Variants in PGAP2 observed in about 807,000 individuals in gnomAD.
PGAP2 encodes acyltransferase PGAP2.
A neutral mutation model predicts 33.2 loss-of-function variants in PGAP2; 21 were observed. The observed-to-expected ratio is 0.63, with a 90% CI of 0.45 to 0.91. PGAP2 has a LOEUF of 0.91. Among genes scored for constraint, PGAP2 ranks in the 40% least tolerant of loss-of-function variants. The pLI, the probability that PGAP2 is intolerant of heterozygous loss-of-function variation, is 0.00. For missense variants in PGAP2, 345 were observed against 424.0 expected, an observed-to-expected ratio of 0.81 and a Z score of 1.64; for synonymous variants, 161 against 172.9, an observed-to-expected ratio of 0.93 and a Z score of 0.54.
chr11:3,807,553 C>T (rs2134247871), upstream of PGAP2, among the ~76,000 whole-genome samples: 1 of 152,006 alleles, frequency 6.6e-6, no homozygotes, highest in Admixed American at 6.5e-5. Flanking sequence ...GGTGATCCGC[C>T]CGCCTCGGCC....
chr11:3,815,919 C>T (rs2086898758), intron 2 of PGAP2, among the ~76,000 whole-genome samples: 1 of 152,160 alleles, frequency 6.6e-6, no homozygotes, highest in African/African-American at 2.4e-5. Flanking sequence ...AAAAAACGGC[C>T]AGACCCCTTT....
intron 4 of PGAP2, 43 bp downstream of exon 4, chr11:3,824,178 G>A: frequency 1.2e-6 from 2 of 1,613,224 alleles, no homozygotes; most frequent in Non-Finnish European, 1.7e-6. Flanking sequence ...TGTTCCCTGA[G>A]GGGACGGGCC....
upstream of PGAP2, chr11:3,808,024 G>A: frequency 7.3e-7 from 1 of 1,376,244 alleles, no homozygotes. Flanking sequence ...CCTGAACAAA[G>A]GCGGGAACAG....
chr11:3,824,306 C>T lies in PGAP2; in HGVS notation c.638C>T (p.Ser213Leu). ...AATGCTTTCATTGTGTTCATTGCCT[C>T]ATCCCTCGGGCACATGCTCCTCACC... ...HENAFIVFIA[S>L]SLGHMLLTCI... Residue 213 changes from serine to leucine, a missense_variant, in exon 5 of 7, where the codon TCA becomes TTA. By Grantham distance (145) the Ser-to-Leu change is moderately radical (BLOSUM62 -2). Coordinates refer to ENST00000278243, the MANE Select transcript of PGAP2 (RefSeq NM_014489.4). The T allele has an allele frequency of 6.2e-7, 1 of 1,614,254 alleles. No homozygotes were observed. The highest frequency in any genetic ancestry group is 8.5e-7 in the Non-Finnish European group (1 of 1,180,050).
intron 2 of PGAP2, among the ~76,000 whole-genome samples, chr11:3,816,928 T>C (rs991805858): frequency 6.6e-6 from 1 of 152,184 alleles, no homozygotes; most frequent in Non-Finnish European, 1.5e-5. Flanking sequence ...GCCTTAGTCC[T>C]GGTGTTTGAT....
intron 2 of PGAP2, 90 bp from the exon 3 acceptor site, chr11:3,817,263 T>A: frequency 1.0e-6 from 1 of 968,618 alleles, no homozygotes. Flanking sequence ...CTTTTCCTTA[T>A]ACTCTGAGGA....
chr11:3,824,977 A>G (rs1480158718), intron 5 of PGAP2, 43 bp from the exon 6 acceptor site: 30 of 1,613,222 alleles, frequency 1.9e-5, no homozygotes, highest in Non-Finnish European at 2.5e-5. Context: ...CCACGCTCTC[A>G]TACCCAGCAA....
chr11:3,822,975 T>G (rs2134987613), intron 3 of PGAP2: 1 of 1,529,084 alleles, frequency 6.5e-7, no homozygotes. Context: ...AACATGGTCA[T>G]TTCCTTAGAC....
intron 5 of PGAP2, 179 bp downstream of exon 5, chr11:3,824,555 G>A (rs2089646404): frequency 1.1e-6 from 1 of 916,496 alleles, no homozygotes; most frequent in Non-Finnish European, 1.7e-6. Context: ...TCAGAATCTA[G>A]GACTATAGCA....
At chr11:3,810,458 C>T (rs1337184223) in intron 1 of PGAP2, among the ~76,000 whole-genome samples, 2 of 152,130 alleles carry the variant, frequency 1.3e-5, no homozygotes, top group Non-Finnish European at 2.9e-5. Flanking sequence ...TGTTATAGTT[C>T]CTGACCTTAG....
chr11:3,800,288 T>C (rs935876821), intron 1 of PGAP2, among the ~76,000 whole-genome samples: 1 of 152,174 alleles, frequency 6.6e-6, no homozygotes, highest in Non-Finnish European at 1.5e-5. Flanking sequence ...CAAGCCCAAT[T>C]ATTTTTAAGG....
At chr11:3,802,133 A>C (rs1275482613) in intron 1 of PGAP2, among the ~76,000 whole-genome samples, 1 of 150,766 alleles carries the variant, frequency 6.6e-6, no homozygotes, top group Non-Finnish European at 1.5e-5. Flanking sequence ...ATGAGTAAGC[A>C]AATGAGTACA....
chr11:3,807,035 G>T (rs1338420570), upstream of PGAP2, among the ~76,000 whole-genome samples: 1 of 145,050 alleles, frequency 6.9e-6, no homozygotes, highest in Admixed American at 6.9e-5. Flanking sequence ...AAAAAAGAGA[G>T]AAAGAAAGAA....
At chr11:3,806,214 T>TAGGG (rs1476889749), upstream of PGAP2, among the ~76,000 whole-genome samples, 1 of 151,330 alleles carries the variant, frequency 6.6e-6, no homozygotes, top group Non-Finnish European at 1.5e-5. Context: ...GGTGTCAAGA[T>TAGGG]AGGGAACAAT....
rs755093042 is a variant in PGAP2, at chr11:3,824,480, G to T, written c.708+104G>T. ...GGTGAGGTGGGAACTGAGTTCTAAT[G>T]GGAACCCTGGCAGAGGGGTGCTGGG... On this transcript the variant is annotated intron_variant, in intron 5 of 6. Coordinates refer to ENST00000278243, the MANE Select transcript of PGAP2 (RefSeq NM_014489.4). 3.8e-5 allele frequency: 60 copies of T among 1,572,626 alleles called. 1 individual carries two copies. In the Middle Eastern group the frequency reaches 5.0e-4, roughly 13 times the overall value.
chr11:3,808,230 G>C, upstream of PGAP2: 9 of 1,536,788 alleles, frequency 5.9e-6, no homozygotes, highest in Non-Finnish European at 7.9e-6. Flanking sequence ...TGCGAGGCAG[G>C]AGAGACGGGC....
chr11:3,815,268 A>G (rs1034088988), intron 2 of PGAP2, among the ~76,000 whole-genome samples: 3 of 150,412 alleles, frequency 2.0e-5, no homozygotes, highest in Non-Finnish European at 4.4e-5. Flanking sequence ...AGCCCTGTAG[A>G]GACAAGAAGA....
chr11:3,826,063 ACT>A lies in PGAP2; in HGVS notation c.*608_*609del, dbSNP rs2089977963. ...TGGGTGGACTGTATGATTTCCAAGG[ACT>A]CTACCAGTCAGTGGTTCTGATGTCA... On this transcript the variant is annotated 3_prime_UTR_variant, in exon 7 of 7. Coordinates refer to ENST00000278243, the MANE Select transcript of PGAP2 (RefSeq NM_014489.4). 6.6e-6 allele frequency: 1 copy of A among 152,420 alleles called. No individual in the cohort carries two copies. The highest frequency in any genetic ancestry group is 2.1e-4 in the South Asian group (1 of 4,852). 9.4% of individuals were successfully genotyped at this position (152,420 alleles called of 1,614,324 possible). A position where few individuals can be genotyped will look rare whatever the true frequency, so the allele number is the denominator to read the frequency against.
Position 3,817,545 on chromosome 11 carries a change from A to G in PGAP2, c.348+10A>G. On this transcript the variant is annotated intron_variant, in intron 3 of 6. Transcript: ENST00000278243. Reference sequence around the variant, plus strand: ...GGCCACTGACTGTGGGGTGAGTGCCAGCTCCCCAGCCCCTGGGTCAGGGCC... The same window carrying G: ...GGCCACTGACTGTGGGGTGAGTGCCGGCTCCCCAGCCCCTGGGTCAGGGCC... 1 of 1,612,624 alleles carries G rather than the reference A, an allele frequency of 6.2e-7. No homozygotes were observed. Among genetic ancestry groups the G allele is most frequent in the Non-Finnish European group, 8.5e-7 (1 of 1,178,686 alleles).
Sources: gnomAD v4.1 joint callset for allele counts (sites outside exome capture counted in the v4.1 genomes callset) on GRCh38, gnomAD v4.1.1 for gene constraint, MANE v1.5 for transcripts, NCBI Gene and HGNC (gene_info 2026-07-23, HGNC 2026-07-21) for gene names.